FBN2: variants seen among roughly 807,000 people sequenced by gnomAD.
The protein encoded by FBN2 is fibrillin 2.
In FBN2, 105 loss-of-function variants were observed where a neutral mutation model predicts 355.6. That is an observed-to-expected ratio of 0.30 (90% confidence interval 0.25 to 0.35). The LOEUF is 0.35. Ranked by LOEUF, FBN2 falls within the 10% of genes least tolerant of loss-of-function variation. The pLI is 1.00. For missense variants in FBN2, 3,280 were observed against 3,758.7 expected (o/e 0.87, Z 3.33); for synonymous variants, 1,350 against 1,301.2 (o/e 1.04, Z -0.81).
In FBN2 at chr5:128,481,529, C is replaced by T. The variant is rs1226937448; in HGVS notation, c.629-16608G>A. Among the ~76,000 whole-genome samples, 3 of 152,242 alleles carry T rather than the reference C, an allele frequency of 2.0e-5. No homozygotes were observed. In the East Asian group the frequency reaches 5.8e-4, roughly 29 times the overall value. ...GAGGCTCTGAATGCCTAATGATAAA[C>T]ATCCAAAGAAACCCCAGTTGAGTGT... On this transcript the variant is annotated intron_variant, in intron 5 of 64. Transcript: ENST00000262464.
intron 6 of FBN2, among the ~76,000 whole-genome samples, chr5:128,462,776 T>A (rs1754593348): frequency 6.6e-6 from 1 of 152,184 alleles, no homozygotes; most frequent in Non-Finnish European, 1.5e-5. Flanking sequence ...GTCAATAATT[T>A]GGAATGTTTT....
At position 128,530,869 on chromosome 5, in the gene FBN2, C is replaced by T. The variant is rs139820853; in HGVS notation, c.338-176G>A. Among the ~76,000 whole-genome samples the T allele has an allele frequency of 3.0e-3, 454 of 152,256 alleles. 2 individuals carry two copies. Among genetic ancestry groups the T allele is most frequent in the African/African-American group, 0.01 (434 of 41,556 alleles). On this transcript the variant is annotated intron_variant, in intron 2 of 64. Coordinates refer to ENST00000262464, the MANE Select transcript of FBN2 (RefSeq NM_001999.4). ...ACCCATTGCAGACTTGGGAATAAGT[C>T]TCACAGGTATCCTTATGAAAACGTG...
chr5:128,353,385 G>A (rs975370454), intron 20 of FBN2, among the ~76,000 whole-genome samples: 5 of 152,166 alleles, frequency 3.3e-5, no homozygotes, highest in African/African-American at 1.2e-4. Flanking sequence ...AAAAGTTACA[G>A]GGCAAAGGTG....
intron 35 of FBN2, 125 bp from the exon 36 acceptor site, chr5:128,318,396 A>G (rs931464159): frequency 3.1e-6 from 3 of 956,976 alleles, no homozygotes; most frequent in African/African-American, 3.2e-5. Context: ...AAGACTCAAC[A>G]CAATAAAATA....
intron 54 of FBN2, 77 bp downstream of exon 54, chr5:128,287,231 G>A (rs1749179057): frequency 6.6e-7 from 1 of 1,522,530 alleles, no homozygotes; most frequent in African/African-American, 1.4e-5. Context: ...GAAATTAGTT[G>A]AGAACTATAA....
chr5:128,378,165 G>C (rs1226890982), intron 12 of FBN2, among the ~76,000 whole-genome samples: 1 of 151,980 alleles, frequency 6.6e-6, no homozygotes, highest in Non-Finnish European at 1.5e-5. Flanking sequence ...TTTTCACATA[G>C]TGGATGAAGG....
intron 19 of FBN2, among the ~76,000 whole-genome samples, chr5:128,360,443 T>C (rs1415536600): frequency 6.6e-6 from 1 of 152,130 alleles, no homozygotes; most frequent in Non-Finnish European, 1.5e-5. Context: ...CTTCAAGTAC[T>C]TTCAGTGGGA....
At chr5:128,336,254 A>G (rs1750839511) in intron 27 of FBN2, 141 bp from the exon 28 acceptor site, 2 of 833,212 alleles carry the variant, frequency 2.4e-6, no homozygotes, top group Non-Finnish European at 4.1e-6. Flanking sequence ...GGGGATTGAA[A>G]GAAAATGCTG....
intron 36 of FBN2, among the ~76,000 whole-genome samples, chr5:128,313,801 C>T (rs977087299): frequency 1.8e-4 from 24 of 134,012 alleles, no homozygotes; most frequent in African/African-American, 6.1e-4. Flanking sequence ...TGCAGTGAGC[C>T]GAGATCACGC....
At chr5:128,495,795 C>G (rs1581347847) in intron 5 of FBN2, among the ~76,000 whole-genome samples, 1 of 152,070 alleles carries the variant, frequency 6.6e-6, no homozygotes, top group East Asian at 1.9e-4. Flanking sequence ...ATTATTTATA[C>G]TAACATCAAC....
In FBN2 at chr5:128,422,919, C is replaced by A. The variant is rs191878773; in HGVS notation, c.953-14120G>T. 1.7e-4 allele frequency among the ~76,000 whole-genome samples: 26 copies of A among 152,184 alleles called. No homozygotes were observed. The East Asian group carries it at 4.2e-3, about 25-fold the overall frequency. ...AAAAAGAGAAAAACAAAAAAAGATG[C>A]AGCTGGTTTCAAAATAAAAGATAAA... On this transcript the variant is annotated intron_variant, in intron 7 of 64. Transcript: ENST00000262464.
At chr5:128,449,803 A>G (rs1754190648) in intron 6 of FBN2, among the ~76,000 whole-genome samples, 1 of 152,066 alleles carries the variant, frequency 6.6e-6, no homozygotes, top group South Asian at 2.1e-4. Context: ...TGTCTACAAG[A>G]AAACTCCTTT....
chr5:128,384,280 T>TG (rs1373860204), intron 11 of FBN2, among the ~76,000 whole-genome samples: 1 of 151,858 alleles, frequency 6.6e-6, no homozygotes, highest in Non-Finnish European at 1.5e-5. Flanking sequence ...GGGGACAGGA[T>TG]GGGGGCTGGG....
intron 24 of FBN2, among the ~76,000 whole-genome samples, chr5:128,345,138 G>A (rs557630062): frequency 6.6e-6 from 1 of 152,354 alleles, no homozygotes; most frequent in East Asian, 1.9e-4. Context: ...GAGGAACAAA[G>A]AGTAGAAGAG....
intron 25 of FBN2, 36 bp from the exon 26 acceptor site, chr5:128,339,097 A>G (rs1437214701): frequency 1.2e-6 from 2 of 1,610,522 alleles, no homozygotes; most frequent in Non-Finnish European, 1.7e-6. Flanking sequence ...TTAAAAATTG[A>G]ATGAGATAGA....
intron 8 of FBN2, among the ~76,000 whole-genome samples, chr5:128,400,861 A>G (rs1393716990): frequency 6.6e-6 from 1 of 152,198 alleles, no homozygotes; most frequent in African/African-American, 2.4e-5. Context: ...TGTATCTCCC[A>G]GAATTCCCAC....
chr5:128,390,964 T>A (rs1752494040), intron 11 of FBN2, among the ~76,000 whole-genome samples: 1 of 152,230 alleles, frequency 6.6e-6, no homozygotes, highest in Admixed American at 6.5e-5. Context: ...TTCTCAAATA[T>A]GATTTTTTGA....
chr5:128,434,775 G>A (rs548262854), intron 7 of FBN2, among the ~76,000 whole-genome samples: 63 of 151,778 alleles, frequency 4.2e-4, no homozygotes, highest in African/African-American at 1.5e-3. Context: ...AAAATTTATC[G>A]AGCAATTTTT....
chr5:128,520,409 A>G (rs2112789234), intron 4 of FBN2, among the ~76,000 whole-genome samples: 1 of 152,316 alleles, frequency 6.6e-6, no homozygotes, highest in Admixed American at 6.5e-5. Context: ...TGTCCTCACA[A>G]ATGAATTAGA....
Sources: gnomAD v4.1 joint callset for allele counts (sites outside exome capture counted in the v4.1 genomes callset) on GRCh38, gnomAD v4.1.1 for gene constraint, MANE v1.5 for transcripts, NCBI Gene and HGNC (gene_info 2026-07-23, HGNC 2026-07-21) for gene names.